NEGR1: variants seen among roughly 807,000 people sequenced by gnomAD.
The protein encoded by NEGR1 is neuronal growth regulator 1.
NEGR1 carries 10 observed loss-of-function variants against 40.9 expected under a neutral mutation model. That is an observed-to-expected ratio of 0.24 (90% confidence interval 0.15 to 0.42). The LOEUF (loss-of-function observed/expected upper bound fraction) is 0.42. NEGR1 is among the 10% of genes least tolerant of loss of function. NEGR1 has a pLI of 1.00. For missense variants in NEGR1, 352 were observed against 438.9 expected (o/e 0.80, Z 1.77); for synonymous variants, 185 against 166.8 (o/e 1.11, Z -0.84).
chr1:71,879,084 G>A (rs1352872707), intron 2 of NEGR1, among the ~76,000 whole-genome samples: 1 of 150,624 alleles, frequency 6.6e-6, no homozygotes, highest in Non-Finnish European at 1.5e-5. Flanking sequence ...GGTGAGCTGA[G>A]ATCGCGCCAT....
intron 1 of NEGR1, among the ~76,000 whole-genome samples, chr1:71,994,246 C>T (rs926118377): frequency 2.0e-5 from 3 of 152,020 alleles, no homozygotes; most frequent in Admixed American, 6.6e-5. Context: ...CTCATCACAA[C>T]GGCCTGGTGT....
chr1:71,961,549 A>G (rs939872034), intron 1 of NEGR1, among the ~76,000 whole-genome samples: 1 of 152,086 alleles, frequency 6.6e-6, no homozygotes, highest in African/African-American at 2.4e-5. Flanking sequence ...CTGTAAAATC[A>G]AGATTTAGGA....
chr1:72,069,441 TA>T (rs373583684), intron 1 of NEGR1, among the ~76,000 whole-genome samples: 16 of 148,072 alleles, frequency 1.1e-4, no homozygotes, highest in East Asian at 7.9e-4. Context: ...AAGACTCTGT[TA>T]AAAAAAAAAG....
intron 2 of NEGR1, among the ~76,000 whole-genome samples, chr1:71,836,288 C>T (rs916498623): frequency 6.6e-6 from 1 of 151,722 alleles, no homozygotes; most frequent in Admixed American, 6.6e-5. Context: ...CTGGTCTCTA[C>T]TGAAAATACA....
intron 6 of NEGR1, among the ~76,000 whole-genome samples, chr1:71,473,542 G>A (rs142649833): frequency 2.1e-4 from 32 of 151,960 alleles, no homozygotes; most frequent in Admixed American, 2.0e-3. Context: ...AATGACCCTC[G>A]GTGTACTTCC....
intron 4 of NEGR1, among the ~76,000 whole-genome samples, chr1:71,636,783 A>C (rs1177465905): frequency 6.6e-6 from 1 of 152,070 alleles, no homozygotes; most frequent in Non-Finnish European, 1.5e-5. Flanking sequence ...CCTTAATAAT[A>C]ACCAAGAATT....
chr1:72,258,881 T>C (rs11209940), intron 1 of NEGR1, among the ~76,000 whole-genome samples: 3,969 of 152,242 alleles, frequency 0.026, 162 homozygotes, highest in African/African-American at 0.09. Context: ...TTTAGTTTGC[T>C]TACTAAATAG....
intron 1 of NEGR1, among the ~76,000 whole-genome samples, chr1:72,003,014 C>G (rs985877161): frequency 6.6e-6 from 1 of 152,078 alleles, no homozygotes; most frequent in Non-Finnish European, 1.5e-5. Flanking sequence ...GCACTTAAAA[C>G]TAGGAGATAT....
chr1:72,110,494 GCTCT>G (rs972333324), intron 1 of NEGR1, among the ~76,000 whole-genome samples: 2 of 151,466 alleles, frequency 1.3e-5, no homozygotes, highest in African/African-American at 2.4e-5. Context: ...GTAATTATCT[GCTCT>G]CTAAGGGATA....
intron 1 of NEGR1, among the ~76,000 whole-genome samples, chr1:72,257,246 C>T (rs1655301717): frequency 1.4e-5 from 2 of 142,800 alleles, no homozygotes; most frequent in Admixed American, 7.3e-5. Context: ...GGCGTGAACC[C>T]GGGAGGCGGA....
intron 4 of NEGR1, among the ~76,000 whole-genome samples, chr1:71,659,245 TACAGAGGCCAAGAAAAAGAACAA>T (rs1651976285): frequency 6.6e-6 from 1 of 152,148 alleles, no homozygotes; most frequent in African/African-American, 2.4e-5. Context: ...TTGTGTGTTG[TACAGAGGCCAAGAAAAAGAACAA>T]ACAGGCTTGA....
chr1:72,138,137 A>G (rs939699686), intron 1 of NEGR1, among the ~76,000 whole-genome samples: 1 of 152,170 alleles, frequency 6.6e-6, no homozygotes, highest in East Asian at 1.9e-4. Flanking sequence ...AGGAGTAGAA[A>G]GGGTAACATG....
rs913987222 is a variant in NEGR1 at position 72,168,897 on chromosome 1, C to T, written c.176+113422G>A. Among the ~76,000 whole-genome samples, 3 of 151,996 alleles carry T rather than the reference C, an allele frequency of 2.0e-5. 1 individual carries two copies. The highest frequency in any genetic ancestry group is 4.4e-5 in the Non-Finnish European group (3 of 68,004). On this transcript the variant is annotated intron_variant, in intron 1 of 6. Transcript: ENST00000357731. ...CCTAGGAGACAGAGAGAGACCCTGT[C>T]TTCAAAAGAGAGAAAACAAACAAAC...
intron 3 of NEGR1, among the ~76,000 whole-genome samples, chr1:71,762,897 AG>A (rs1655994271): frequency 6.6e-6 from 1 of 152,194 alleles, no homozygotes; most frequent in African/African-American, 2.4e-5. Flanking sequence ...TCTCTAATGA[AG>A]AAAACTAAGT....
intron 1 of NEGR1, among the ~76,000 whole-genome samples, chr1:71,977,522 T>G (rs1018842836): frequency 1.3e-5 from 2 of 152,120 alleles, no homozygotes; most frequent in Admixed American, 1.3e-4. Context: ...AATGATTTTT[T>G]AGATGACCAC....
intron 2 of NEGR1, among the ~76,000 whole-genome samples, chr1:71,784,172 T>C (rs901216330): frequency 1.3e-5 from 2 of 151,882 alleles, no homozygotes; most frequent in African/African-American, 4.8e-5. Flanking sequence ...ACCGGATGAG[T>C]TTTTCGTGAT....
At chr1:72,140,822 T>C (rs1027378612) in intron 1 of NEGR1, among the ~76,000 whole-genome samples, 12 of 152,006 alleles carry the variant, frequency 7.9e-5, no homozygotes, top group African/African-American at 2.9e-4. Flanking sequence ...TATATTTAAT[T>C]AAGGAAGAAC....
rs147472776 is a variant in NEGR1 at position 71,775,369 on chromosome 1, C to T, written c.535+803G>A. Among the ~76,000 whole-genome samples, 1,038 of 140,602 alleles carry T rather than the reference C, an allele frequency of 7.4e-3. 9 individuals are homozygous for T. The highest frequency in any genetic ancestry group is 0.026 in the African/African-American group (987 of 37,806). 92.2% of individuals were successfully genotyped at this position (140,602 alleles called of 152,430 possible). A position where few individuals can be genotyped will look rare whatever the true frequency, so the allele number is the denominator to read the frequency against. On this transcript the variant is annotated intron_variant, in intron 3 of 6. Transcript: ENST00000357731. ...AACTTTTTTTTTTTTTTTTTTGAGA[C>T]AGGGTCTTGCTCCGCACCCAGGCTG...
intron 1 of NEGR1, among the ~76,000 whole-genome samples, chr1:71,992,120 A>G (rs1156281622): frequency 6.6e-6 from 1 of 152,090 alleles, no homozygotes; most frequent in Non-Finnish European, 1.5e-5. Context: ...AATATATAAC[A>G]TCATAGTCTA....
Sources: gnomAD v4.1 joint callset for allele counts (sites outside exome capture counted in the v4.1 genomes callset) on GRCh38, gnomAD v4.1.1 for gene constraint, MANE v1.5 for transcripts, NCBI Gene and HGNC (gene_info 2026-07-23, HGNC 2026-07-21) for gene names.